Variants in RIF1 observed in about 807,000 individuals in gnomAD.
RIF1 encodes the protein telomere-associated protein RIF1.
In RIF1, 45 loss-of-function variants were observed where a neutral mutation model predicts 247.1. The observed-to-expected ratio is 0.18, with a 90% CI of 0.14 to 0.23. The LOEUF is 0.23. Among genes scored for constraint, RIF1 ranks in the 10% least tolerant of loss-of-function variants. The pLI is 1.00. For synonymous variants in RIF1, 1,087 were observed against 978.8 expected, an observed-to-expected ratio of 1.11 and a Z score of -2.06; for missense variants, 2,967 against 2,862.5, an observed-to-expected ratio of 1.04 and a Z score of -0.83.
chr2:151,525,481 G>C, the RIF1 span, among the ~76,000 whole-genome samples: 2 of 152,096 alleles, frequency 1.3e-5, no homozygotes, highest in Non-Finnish European at 1.5e-5. Flanking sequence ...CGGAGAACCT[G>C]GGTAGAGGCA....
downstream of RIF1, chr2:151,485,724 G>GT (rs376501860): frequency 3.5e-5 from 55 of 1,564,374 alleles, 1 homozygote; most frequent in African/African-American, 2.7e-4. Flanking sequence ...TGCAGGATCT[G>GT]TAAGTCCTGC....
intron 34 of RIF1, among the ~76,000 whole-genome samples, 164 bp from the exon 35 acceptor site, chr2:151,473,800 G>A (rs1227833123): frequency 6.6e-6 from 1 of 152,158 alleles, no homozygotes; most frequent in Non-Finnish European, 1.5e-5. Flanking sequence ...TGTGTAGTTA[G>A]AACCTACTTT....
chr2:151,443,762 A>G (rs930771614), intron 18 of RIF1, 53 bp downstream of exon 18: 7 of 1,116,358 alleles, frequency 6.3e-6, no homozygotes, highest in Non-Finnish European at 8.5e-6. Context: ...TTTTTTTGTT[A>G]GTGCAGTTGG....
At chr2:151,466,329 CA>C (rs1373445131) in intron 30 of RIF1, among the ~76,000 whole-genome samples, 1 of 152,186 alleles carries the variant, frequency 6.6e-6, no homozygotes, top group Non-Finnish European at 1.5e-5. Context: ...TTTCATTTTA[CA>C]ACACTAAAGA....
chr2:151,533,596 AAAG>A, the RIF1 span: 1 of 1,213,254 alleles, frequency 8.2e-7, no homozygotes, highest in South Asian at 1.3e-5. Flanking sequence ...TGAAGACAGA[AAAG>A]AACACGGCTC....
intron 6 of RIF1, 108 bp from the exon 7 acceptor site, chr2:151,420,082 T>C (rs1328740843): frequency 1.1e-6 from 1 of 887,054 alleles, no homozygotes; most frequent in African/African-American, 1.7e-5. Context: ...GTATATATTC[T>C]AAAACAAATG....
the RIF1 span, among the ~76,000 whole-genome samples, chr2:151,518,720 G>A: frequency 6.6e-6 from 1 of 152,158 alleles, no homozygotes; most frequent in Non-Finnish European, 1.5e-5. Context: ...AAAAGGGAAT[G>A]GTTAATTGGA....
At chr2:151,496,923 C>A in intron 10 of RIF1, 3 of 1,541,686 alleles carry the variant, frequency 1.9e-6, no homozygotes, top group Non-Finnish European at 2.6e-6. Context: ...TAGTTTTTTT[C>A]TTTTCTTGCC....
rs145810483 is a variant in RIF1 at position 151,473,515 on chromosome 2, A to G, written c.7096-449A>G. Among the ~76,000 whole-genome samples the G allele has an allele frequency of 8.0e-3, 1,211 of 151,862 alleles. 7 individuals are homozygous for G. The highest frequency in any genetic ancestry group is 0.014 in the Non-Finnish European group (943 of 67,930). On this transcript the variant is annotated intron_variant, in intron 34 of 35. Transcript: ENST00000444746. ...GGCTGGTCTTGAACTCCTGACCTCA[A>G]GTGATCTACCCACCTTGGCCTCCCA...
intron 9 of RIF1, chr2:151,492,024 G>C: frequency 6.9e-7 from 1 of 1,446,438 alleles, no homozygotes; most frequent in Non-Finnish European, 9.6e-7. Context: ...TTGACTTGAT[G>C]TAGGTAATGC....
the RIF1 span, chr2:151,531,200 A>G: frequency 2.5e-6 from 2 of 786,970 alleles, no homozygotes; most frequent in Non-Finnish European, 4.2e-6. Flanking sequence ...TATAAAGGAA[A>G]GAGAATTCTA....
intron 10 of RIF1, chr2:151,497,941 C>T: frequency 6.9e-7 from 1 of 1,446,350 alleles, no homozygotes; most frequent in Non-Finnish European, 9.0e-7. Context: ...CAGAGTTATC[C>T]ATGTTATTTT....
Position 151,446,594 on chromosome 2 carries a change from T to A in RIF1, c.2244+19T>A. The A allele has an allele frequency of 6.2e-7, 1 of 1,601,428 alleles. No homozygotes were observed. Among genetic ancestry groups the A allele is most frequent in the Non-Finnish European group, 8.5e-7 (1 of 1,177,004 alleles). ...CTTTTCTGTGAGTTTGTCCTGATGC[T>A]ACCTTTTTTTGTTTGTTTTTAAAGG... On this transcript the variant is annotated intron_variant, in intron 20 of 35. Coordinates refer to ENST00000444746, the MANE Select transcript of RIF1 (RefSeq NM_018151.5).
chr2:151,473,984 A>G lies in RIF1; in HGVS notation c.7116A>G (p.Glu2372=), dbSNP rs1174298193. 1 of 1,589,726 alleles carries G rather than the reference A, an allele frequency of 6.3e-7. No individual in the cohort carries two copies. Among genetic ancestry groups the G allele is most frequent in the Admixed American group, 1.7e-5 (1 of 59,190 alleles). ...HEQQVKTRGL[E]EIPVFDISEK... Reference sequence around the variant, plus strand: ...TCAAGGTGAAGACTCGTGGACTAGAAGAGATTCCAGTTTTTGATATTTCTG... The same window carrying G: ...TCAAGGTGAAGACTCGTGGACTAGAGGAGATTCCAGTTTTTGATATTTCTG... Residue 2372 remains glutamate, a synonymous_variant, in exon 35 of 36, where the codon GAA becomes GAG. Transcript: ENST00000444746.
At chr2:151,466,326 T>C (rs1214822516) in intron 30 of RIF1, among the ~76,000 whole-genome samples, 1 of 152,246 alleles carries the variant, frequency 6.6e-6, no homozygotes, top group African/African-American at 2.4e-5. Context: ...GTCTTTCATT[T>C]TACAACACTA....
downstream of RIF1, among the ~76,000 whole-genome samples, chr2:151,508,647 G>A (rs764370748): frequency 6.6e-6 from 1 of 152,242 alleles, no homozygotes; most frequent in Non-Finnish European, 1.5e-5. Flanking sequence ...CAGGCCCAGA[G>A]GCATTTCCAG....
intron 8 of RIF1, among the ~76,000 whole-genome samples, chr2:151,424,670 C>T (rs573479156): frequency 1.3e-5 from 2 of 151,418 alleles, no homozygotes; most frequent in South Asian, 4.2e-4. Flanking sequence ...GAGAAAGCTC[C>T]AAACTCTTTT....
the RIF1 span, chr2:151,514,967 T>A: frequency 7.6e-7 from 1 of 1,315,238 alleles, no homozygotes; most frequent in Non-Finnish European, 1.1e-6. Context: ...TAAAAAAAAA[T>A]CTTTATTACA....
At chr2:151,497,657 C>T in intron 10 of RIF1, 1 of 1,583,708 alleles carries the variant, frequency 6.3e-7, no homozygotes, top group Non-Finnish European at 8.6e-7. Context: ...GTGTTTGACT[C>T]TTTCCATCTC....
Sources: allele counts gnomAD v4.1 joint callset (sites outside exome capture counted in the v4.1 genomes callset), GRCh38; gene constraint gnomAD v4.1.1; transcripts MANE v1.5; gene names NCBI Gene and HGNC (gene_info 2026-07-23, HGNC 2026-07-21).